PRDM16: variants seen among roughly 807,000 people sequenced by gnomAD.
The protein encoded by PRDM16 is PR/SET domain 16.
In PRDM16, 23 loss-of-function variants were observed where a neutral mutation model predicts 110.6. That is an observed-to-expected ratio of 0.21 (90% confidence interval 0.15 to 0.29). PRDM16 has a LOEUF of 0.29. PRDM16 is among the 10% of genes least tolerant of loss of function. The pLI, the probability that PRDM16 is intolerant of heterozygous loss-of-function variation, is 1.00. For missense variants in PRDM16, 1,615 were observed against 1,794.3 expected (o/e 0.90, Z 1.81); for synonymous variants, 799 against 781.8 (o/e 1.02, Z -0.37).
rs1233567160 is a variant in PRDM16, at chr1:3,173,478, T to C, written c.38-12647T>C. Among the ~76,000 whole-genome samples, 10 of 152,338 alleles carry C rather than the reference T, an allele frequency of 6.6e-5. No homozygotes were observed. In the East Asian group the frequency reaches 1.9e-3, roughly 29 times the overall value. On this transcript the variant is annotated intron_variant, in intron 1 of 16. Transcript: ENST00000270722. ...CGGCTTTAGGTAGGGCCAGGTGGCCTGAGCTGCCCGACAGAGGCCTCCGTG... is the reference window on the plus strand; with the variant it reads ...CGGCTTTAGGTAGGGCCAGGTGGCCCGAGCTGCCCGACAGAGGCCTCCGTG...
chr1:3,374,839 C>T (rs993919467), intron 3 of PRDM16, among the ~76,000 whole-genome samples: 5 of 152,202 alleles, frequency 3.3e-5, no homozygotes, highest in African/African-American at 9.6e-5. Flanking sequence ...GACCCAGGTA[C>T]GGCCCCATTC....
intron 1 of PRDM16, among the ~76,000 whole-genome samples, chr1:3,147,493 G>A (rs1053098414): frequency 3.3e-5 from 5 of 152,092 alleles, no homozygotes; most frequent in African/African-American, 7.2e-5. Context: ...TGTGGACTCC[G>A]TCGCCCTGAG....
At chr1:3,298,670 C>A (rs1007921920) in intron 3 of PRDM16, among the ~76,000 whole-genome samples, 2 of 152,082 alleles carry the variant, frequency 1.3e-5, no homozygotes, top group African/African-American at 4.8e-5. Context: ...TCAGTGCCAA[C>A]ATTCTGGTGG....
chr1:3,329,312 C>T (rs1347271199), intron 3 of PRDM16, among the ~76,000 whole-genome samples: 2 of 152,302 alleles, frequency 1.3e-5, no homozygotes, highest in Non-Finnish European at 2.9e-5. Flanking sequence ...CCTTTCCTCC[C>T]ACTTCTTCAT....
intron 1 of PRDM16, among the ~76,000 whole-genome samples, chr1:3,117,750 G>A (rs559936740): frequency 3.3e-5 from 5 of 152,222 alleles, no homozygotes; most frequent in South Asian, 2.1e-4. Context: ...GCCCGGGCCC[G>A]CCTTGTCCTT....
chr1:3,223,244 C>A (rs1053367839), intron 2 of PRDM16, among the ~76,000 whole-genome samples: 4 of 151,256 alleles, frequency 2.6e-5, no homozygotes, highest in Admixed American at 2.6e-4. Flanking sequence ...AATGAACACA[C>A]CCTGGGCCAG....
rs1039302056 is a variant in PRDM16, at chr1:3,081,311, C to T, written c.37+12015C>T. ...ATAAGGGGTCATTCTGTGCTCTTTCCAGAGGGTTTTAGGTTGCGTCCGCTC... is the reference window on the plus strand; with the variant it reads ...ATAAGGGGTCATTCTGTGCTCTTTCTAGAGGGTTTTAGGTTGCGTCCGCTC... On this transcript the variant is annotated intron_variant, in intron 1 of 16. Coordinates refer to ENST00000270722, the MANE Select transcript of PRDM16 (RefSeq NM_022114.4). This position sits in a 1 kb window ranked among gnomAD's most constrained non-coding sequence, Gnocchi z 4.6. Among the ~76,000 whole-genome samples the T allele has an allele frequency of 6.6e-6, 1 of 152,322 alleles. No homozygotes were observed. Among genetic ancestry groups the T allele is most frequent in the African/African-American group, 2.4e-5 (1 of 41,584 alleles).
intron 4 of PRDM16, among the ~76,000 whole-genome samples, chr1:3,388,329 T>C (rs1643236885): frequency 6.6e-6 from 1 of 151,950 alleles, no homozygotes; most frequent in South Asian, 2.1e-4. Flanking sequence ...TCTTTCAAGA[T>C]TGCACACACA....
chr1:3,143,020 C>T lies in PRDM16; in HGVS notation c.38-43105C>T, dbSNP rs1011983385. On this transcript the variant is annotated intron_variant, in intron 1 of 16. Coordinates refer to ENST00000270722, the MANE Select transcript of PRDM16 (RefSeq NM_022114.4). The surrounding 1 kb of genome is among the most constrained non-coding windows in gnomAD (Gnocchi z 4.5). ...GATGCATTTGCTGGGATGCAGGATT[C>T]GGGCTGTGTTGCTGATGAGATCACA... Among the ~76,000 whole-genome samples the T allele has an allele frequency of 2.0e-5, 3 of 152,216 alleles. No individual in the cohort carries two copies. The highest frequency in any genetic ancestry group is 2.9e-5 in the Non-Finnish European group (2 of 68,042).
chr1:3,357,563 C>CGGCT (rs1642632905), intron 3 of PRDM16, among the ~76,000 whole-genome samples: 2 of 151,976 alleles, frequency 1.3e-5, no homozygotes, highest in African/African-American at 4.9e-5. Context: ...GCCGTTCCCC[C>CGGCT]CACGGGCCCC....
chr1:3,411,513 A>G lies in PRDM16; in HGVS notation c.1316A>G (p.Asn439Ser), dbSNP rs1164833774. The G allele has an allele frequency of 1.2e-6, 2 of 1,614,142 alleles. No individual in the cohort carries two copies. Among genetic ancestry groups the G allele is most frequent in the South Asian group, 1.1e-5 (1 of 91,080 alleles). The change falls in exon 9 of 17, where the codon AAC becomes AGC. Residue 439 changes from asparagine (N) to serine (S), a missense_variant. Coordinates refer to ENST00000270722, the MANE Select transcript of PRDM16 (RefSeq NM_022114.4). ...ATGTTCAGCACTACCTCCTCCCTCA[A>G]CAAGCACCGGCGCTTCTGCGAGGGC... ...GQMFSTTSSL[N>S]KHRRFCEGKN...
chr1:3,096,570 G>C (rs2817166), intron 1 of PRDM16, among the ~76,000 whole-genome samples: 1 of 152,028 alleles, frequency 6.6e-6, no homozygotes, highest in African/African-American at 2.4e-5. Flanking sequence ...CTCTTTTGCC[G>C]GCTGGGGCAC....
At chr1:3,262,780 G>T (rs1159604680) in intron 3 of PRDM16, among the ~76,000 whole-genome samples, 1 of 152,232 alleles carries the variant, frequency 6.6e-6, no homozygotes, top group Admixed American at 6.5e-5. Flanking sequence ...GGGTCCCAGG[G>T]ACGACACCTG....
intron 7 of PRDM16, 68 bp from the exon 8 acceptor site, chr1:3,405,427 C>G (rs914803985): frequency 2.0e-6 from 3 of 1,479,814 alleles, no homozygotes; most frequent in Non-Finnish European, 2.7e-6. Context: ...CCGGTTGGTC[C>G]GCCAGCCAGA....
At position 3,201,401 on chromosome 1, in the gene PRDM16, A is replaced by G. The variant is rs1346224277; in HGVS notation, c.387+14927A>G. On this transcript the variant is annotated intron_variant, in intron 2 of 16. Transcript: ENST00000270722. The surrounding 1 kb of genome is among the most constrained non-coding windows in gnomAD (Gnocchi z 4.1). Reference sequence around the variant, plus strand: ...CCAGTCCCCAGAGAGGTGGCCTTCAAGTCCAGTAGCCCAAGCCACGGGAGC... The same window carrying G: ...CCAGTCCCCAGAGAGGTGGCCTTCAGGTCCAGTAGCCCAAGCCACGGGAGC... 1.3e-5 allele frequency among the ~76,000 whole-genome samples: 2 copies of G among 152,222 alleles called. No individual in the cohort carries two copies. The highest frequency in any genetic ancestry group is 4.8e-5 in the African/African-American group (2 of 41,548).
At chr1:3,348,418 G>A (rs192040293) in intron 3 of PRDM16, among the ~76,000 whole-genome samples, 132 of 152,340 alleles carry the variant, frequency 8.7e-4, no homozygotes, top group Admixed American at 2.7e-3. Flanking sequence ...CAGCGGTGGG[G>A]GCAGCTCTTC....
chr1:3,385,070 A>G (rs1643172665), intron 3 of PRDM16, 82 bp from the exon 4 acceptor site: 1 of 1,550,712 alleles, frequency 6.4e-7, no homozygotes, highest in East Asian at 2.3e-5. Flanking sequence ...CCAAACAGCC[A>G]GGTTTCTGGG....
chr1:3,075,888 G>A (rs1435249955), intron 1 of PRDM16, among the ~76,000 whole-genome samples: 1 of 152,214 alleles, frequency 6.6e-6, no homozygotes, highest in Admixed American at 6.5e-5. Flanking sequence ...CGGGCCAGAG[G>A]GGACCCCAGA....
chr1:3,406,468 A>T (rs1428896787), intron 8 of PRDM16, among the ~76,000 whole-genome samples: 1 of 151,952 alleles, frequency 6.6e-6, no homozygotes. Flanking sequence ...GGTGGCTCAC[A>T]CCTGTAATCC....
Sources: gnomAD v4.1 joint callset for allele counts (sites outside exome capture counted in the v4.1 genomes callset) on GRCh38, gnomAD v4.1.1 for gene constraint, Gnocchi (gnomAD v3.1) non-coding constraint, MANE v1.5 for transcripts, NCBI Gene and HGNC (gene_info 2026-07-23, HGNC 2026-07-21) for gene names.